Variants in STIM1 observed in about 807,000 individuals in gnomAD.
STIM1 encodes stromal interaction molecule 1.
A neutral mutation model predicts 74.7 loss-of-function variants in STIM1; 25 were observed. The ratio of observed to expected loss-of-function variants is 0.33; its 90% confidence interval spans 0.24 to 0.47. The LOEUF (loss-of-function observed/expected upper bound fraction) is 0.47, where lower values mean the gene tolerates loss of function less well. STIM1 is among the 20% of genes least tolerant of loss of function. STIM1 has a pLI of 1.00. For missense variants in STIM1, 728 were observed against 920.8 expected, an observed-to-expected ratio of 0.79 and a Z score of 2.71; for synonymous variants, 328 against 348.8, an observed-to-expected ratio of 0.94 and a Z score of 0.66.
At chr11:3,862,752 T>C (rs1023477330) in intron 1 of STIM1, among the ~76,000 whole-genome samples, 11 of 151,720 alleles carry the variant, frequency 7.3e-5, no homozygotes, top group Non-Finnish European at 1.6e-4. Flanking sequence ...AGCCAAGTAG[T>C]CCCCTCTTAT....
At chr11:3,991,950 C>CAAAAAAAAAAAAAAAAAAAAAAA (rs1230185435) in intron 2 of STIM1, among the ~76,000 whole-genome samples, 1 of 36,698 alleles carries the variant, frequency 2.7e-5, no homozygotes, top group African/African-American at 1.4e-4. Context: ...AACTCCATCT[C>CAAAAAAAAAAAAAAAAAAAAAAA]AAAAAAAAAA....
chr11:3,899,281 G>A (rs2092278774), intron 1 of STIM1, among the ~76,000 whole-genome samples: 1 of 152,068 alleles, frequency 6.6e-6, no homozygotes. Context: ...TGAAGCAATT[G>A]TGAATGGGAG....
chr11:3,875,886 A>T (rs1337511021), intron 1 of STIM1, among the ~76,000 whole-genome samples: 2 of 152,224 alleles, frequency 1.3e-5, no homozygotes. Flanking sequence ...TTTTGATAAC[A>T]TAGGCAACCT....
At chr11:3,916,704 A>G (rs1333643366) in intron 1 of STIM1, among the ~76,000 whole-genome samples, 1 of 152,078 alleles carries the variant, frequency 6.6e-6, no homozygotes, top group Non-Finnish European at 1.5e-5. Context: ...TGCCTGCCTC[A>G]GCCTCCCAAA....
At chr11:4,080,544 G>A (rs1253634440) in intron 7 of STIM1, among the ~76,000 whole-genome samples, 10 of 143,380 alleles carry the variant, frequency 7.0e-5, no homozygotes, top group Non-Finnish European at 1.5e-5. Flanking sequence ...TTGGCTCACT[G>A]CAGTCTTGAC....
At chr11:3,914,567 G>A (rs766024317) in intron 1 of STIM1, among the ~76,000 whole-genome samples, 4 of 152,022 alleles carry the variant, frequency 2.6e-5, no homozygotes, top group Non-Finnish European at 4.4e-5. Flanking sequence ...TCAGCCTCCC[G>A]AGTAGCTGGA....
intron 1 of STIM1, among the ~76,000 whole-genome samples, chr11:3,887,444 A>T (rs920916377): frequency 1.3e-5 from 2 of 152,168 alleles, no homozygotes; most frequent in African/African-American, 4.8e-5. Flanking sequence ...CTGTAATGGC[A>T]TGGGTCAAGG....
At chr11:4,075,928 C>T (rs750864382) in intron 7 of STIM1, among the ~76,000 whole-genome samples, 44 of 151,842 alleles carry the variant, frequency 2.9e-4, no homozygotes, top group South Asian at 1.0e-3. Context: ...TTTTCATTTC[C>T]CTAATATTAT....
At chr11:4,015,960 A>T (rs2093892515) in intron 2 of STIM1, among the ~76,000 whole-genome samples, 1 of 151,920 alleles carries the variant, frequency 6.6e-6, no homozygotes, top group East Asian at 1.9e-4. Flanking sequence ...TTTTTCAAGG[A>T]TTTTAGCTTC....
At chr11:3,903,757 A>T (rs977723148) in intron 1 of STIM1, 1 of 152,262 alleles carries the variant, frequency 6.6e-6, no homozygotes, top group African/African-American at 2.4e-5. Flanking sequence ...CTGGTTGCTT[A>T]TCTTGAGAGG....
intron 1 of STIM1, among the ~76,000 whole-genome samples, chr11:3,927,284 A>G (rs535186917): frequency 6.6e-6 from 1 of 152,316 alleles, no homozygotes; most frequent in Admixed American, 6.5e-5. Context: ...TAGAACTGTC[A>G]CATATACTGG....
chr11:3,981,975 T>TTC (rs540559412), intron 2 of STIM1, among the ~76,000 whole-genome samples: 3 of 151,942 alleles, frequency 2.0e-5, no homozygotes, highest in East Asian at 1.9e-4. Flanking sequence ...TTTGGAAAGT[T>TTC]TCTCTCTCTC....
chr11:3,925,431 T>A (rs1410453866), intron 1 of STIM1, among the ~76,000 whole-genome samples: 1 of 152,190 alleles, frequency 6.6e-6, no homozygotes, highest in Non-Finnish European at 1.5e-5. Flanking sequence ...AAATATTGCT[T>A]TCTTTGTACT....
intron 1 of STIM1, among the ~76,000 whole-genome samples, chr11:3,960,377 C>T (rs1312777322): frequency 6.6e-6 from 1 of 152,092 alleles, no homozygotes; most frequent in African/African-American, 2.4e-5. Context: ...GACAGTTTTC[C>T]TGGATTAAAA....
Position 4,083,401 on chromosome 11 carries a change from C to T in STIM1, c.1377C>T (p.Ser459=). The part of the protein sequence containing the change: ...SLVAALNIDP[S]WMGSTRPNPA... Reference sequence around the variant, plus strand: ...TGGCTGCCCTCAACATAGACCCCAGCTGGATGGGCAGTACACGCCCCAACC... The same window carrying T: ...TGGCTGCCCTCAACATAGACCCCAGTTGGATGGGCAGTACACGCCCCAACC... The change falls in exon 10 of 13, where the codon AGC becomes AGT. Residue 459 remains serine (S), a synonymous_variant. Transcript: ENST00000526596. 6.2e-7 allele frequency: 1 copy of T among 1,614,258 alleles called. No individual in the cohort carries two copies. The highest frequency in any genetic ancestry group is 8.5e-7 in the Non-Finnish European group (1 of 1,180,052).
intron 1 of STIM1, among the ~76,000 whole-genome samples, chr11:3,895,714 CTTTCTTTCTTTCTTTCTTTCTT>C (rs2092102210): frequency 3.2e-5 from 1 of 31,290 alleles, no homozygotes; most frequent in Non-Finnish European, 5.4e-5. Context: ...TTCTTTCTTT[CTTTCTTTCTTTCTTTCTTTCTT>C]TTTCTTTCTT....
chr11:3,917,658 C>T, intron 1 of STIM1, among the ~76,000 whole-genome samples: 1 of 152,092 alleles, frequency 6.6e-6, no homozygotes. Context: ...TGGTGTTGAA[C>T]TCCTGGACTC....
chr11:3,993,391 T>C (rs950500192), intron 2 of STIM1, among the ~76,000 whole-genome samples: 3 of 152,200 alleles, frequency 2.0e-5, no homozygotes, highest in African/African-American at 7.2e-5. Context: ...GCGTGATGGC[T>C]CAAGCCTGTA....
chr11:4,017,026 G>C (rs4379839), intron 2 of STIM1, among the ~76,000 whole-genome samples: 116,644 of 152,192 alleles, frequency 0.77, 45,825 homozygotes, highest in South Asian at 0.9. Context: ...CCTTGCACTT[G>C]CCAGGTAAGG....
Sources: gnomAD v4.1 joint callset for allele counts (sites outside exome capture counted in the v4.1 genomes callset) on GRCh38, gnomAD v4.1.1 for gene constraint, MANE v1.5 for transcripts, NCBI Gene and HGNC (gene_info 2026-07-23, HGNC 2026-07-21) for gene names.